Variants in PRKN observed in about 807,000 individuals in gnomAD.
The protein encoded by PRKN is parkin RBR E3 ubiquitin protein ligase, also known as E3 ubiquitin-protein ligase parkin.
A neutral mutation model predicts 59.5 loss-of-function variants in PRKN; 56 were observed. The observed-to-expected ratio is 0.94, with a 90% confidence interval of 0.76 to 1.18. PRKN has a LOEUF of 1.18. PRKN is among the 50% of genes most tolerant of loss of function. PRKN has a pLI of 0.00. For missense variants in PRKN, 657 were observed against 596.4 expected, an observed-to-expected ratio of 1.10 and a Z score of -1.06; for synonymous variants, 250 against 222.1, an observed-to-expected ratio of 1.13 and a Z score of -1.12.
chr6:162,648,156 T>G (rs1778269533), intron 1 of PRKN, among the ~76,000 whole-genome samples: 1 of 152,064 alleles, frequency 6.6e-6, no homozygotes, highest in Non-Finnish European at 1.5e-5. Context: ...CTGTATTAAA[T>G]ATCACATGTA....
intron 4 of PRKN, among the ~76,000 whole-genome samples, chr6:162,119,757 G>A (rs1173888455): frequency 3.3e-5 from 5 of 152,124 alleles, no homozygotes; most frequent in Admixed American, 1.3e-4. Context: ...TCTCTGGGAG[G>A]GGAGAATCAG....
chr6:162,160,935 C>G (rs1782730509), intron 4 of PRKN, among the ~76,000 whole-genome samples: 2 of 144,132 alleles, frequency 1.4e-5, no homozygotes, highest in African/African-American at 5.1e-5. Context: ...AGGGGACTTT[C>G]TATCAGGCAG....
rs118073351 is a variant in PRKN, at chr6:162,485,769, C to A, written c.8-42296G>T. Among the ~76,000 whole-genome samples the A allele has an allele frequency of 6.2e-4, 94 of 152,292 alleles. No individual in the cohort carries two copies. The East Asian group carries it at 0.015, about 24-fold the overall frequency. On this transcript the variant is annotated intron_variant, in intron 1 of 11. Transcript: ENST00000366898. ...CTGTTCAATCTCAGTTAGTCGCCTA[C>A]TGGAGTGCACAGACACAGGTGATTG...
chr6:161,559,907 G>A (rs1042606273), intron 8 of PRKN, among the ~76,000 whole-genome samples: 24 of 152,276 alleles, frequency 1.6e-4, no homozygotes, highest in Middle Eastern at 3.4e-3. Context: ...CTAACACTGA[G>A]GAAGCCTTTT....
At chr6:162,567,180 A>ATTCTT (rs750984359) in intron 1 of PRKN, among the ~76,000 whole-genome samples, 46,670 of 152,058 alleles carry the variant, frequency 0.31, 7,619 homozygotes, top group East Asian at 0.49. Flanking sequence ...ATGGGGAAAA[A>ATTCTT]CTGAAAGCCT....
chr6:162,661,542 G>A (rs1778880078), intron 1 of PRKN, among the ~76,000 whole-genome samples: 1 of 152,092 alleles, frequency 6.6e-6, no homozygotes, highest in African/African-American at 2.4e-5. Context: ...TATTAGGCAG[G>A]GTGGGGAACC....
At chr6:162,250,738 T>A (rs1476754883) in intron 3 of PRKN, among the ~76,000 whole-genome samples, 1 of 152,234 alleles carries the variant, frequency 6.6e-6, no homozygotes, top group Non-Finnish European at 1.5e-5. Flanking sequence ...GAAACTTCTC[T>A]GTAAAGAAAA....
intron 2 of PRKN, among the ~76,000 whole-genome samples, chr6:162,344,190 A>G (rs1784302847): frequency 1.3e-5 from 2 of 152,136 alleles, no homozygotes; most frequent in Admixed American, 1.3e-4. Context: ...GGTTTTTTTG[A>G]AGAGCATATT....
intron 6 of PRKN, among the ~76,000 whole-genome samples, chr6:161,867,659 A>G (rs1350598108): frequency 2.0e-5 from 3 of 152,204 alleles, no homozygotes; most frequent in African/African-American, 7.2e-5. Flanking sequence ...TTGGCATCAT[A>G]ATGAGTGACA....
rs111492527 is a variant in PRKN, at chr6:161,461,624, T to C, written c.1084-74747A>G. Among the ~76,000 whole-genome samples the C allele has an allele frequency of 2.0e-5, 3 of 152,190 alleles. No homozygotes were observed. The highest frequency in any genetic ancestry group is 7.2e-5 in the African/African-American group (3 of 41,520). On this transcript the variant is annotated intron_variant, in intron 9 of 11. Coordinates refer to ENST00000366898, the MANE Select transcript of PRKN (RefSeq NM_004562.3). This position sits in a 1 kb window ranked among gnomAD's most constrained non-coding sequence, Gnocchi z 5.1. Reference sequence around the variant, plus strand: ...GTCAGCCACTGGAGATAAAAGGGTCTGGAATACATGCACGGAGGATTCTAA... The same window carrying C: ...GTCAGCCACTGGAGATAAAAGGGTCCGGAATACATGCACGGAGGATTCTAA...
chr6:162,223,820 G>A (rs1333506777), intron 3 of PRKN, among the ~76,000 whole-genome samples: 1 of 152,000 alleles, frequency 6.6e-6, no homozygotes, highest in African/African-American at 2.4e-5. Context: ...GCCTACCTAG[G>A]ATATTGTGTA....
chr6:161,876,758 CA>C (rs1245003083), intron 6 of PRKN, among the ~76,000 whole-genome samples: 1 of 151,978 alleles, frequency 6.6e-6, no homozygotes, highest in Non-Finnish European at 1.5e-5. Context: ...TCTCCTATCA[CA>C]GTTGGATGTT....
At chr6:161,666,227 C>A (rs192850214) in intron 7 of PRKN, among the ~76,000 whole-genome samples, 2 of 152,326 alleles carry the variant, frequency 1.3e-5, no homozygotes, top group Admixed American at 6.5e-5. Context: ...TGTTAGGAAC[C>A]AGGCCGCACA....
rs995885360 is a variant in PRKN at position 161,544,344 on chromosome 6, A to G, written c.1083+4510T>C. Among the ~76,000 whole-genome samples the G allele has an allele frequency of 3.3e-5, 5 of 152,232 alleles. No individual in the cohort carries two copies. Among genetic ancestry groups the G allele is most frequent in the Non-Finnish European group, 5.9e-5 (4 of 68,038 alleles). On this transcript the variant is annotated intron_variant, in intron 9 of 11. Transcript: ENST00000366898. The surrounding 1 kb of genome is among the most constrained non-coding windows in gnomAD (Gnocchi z 5.5). The stretch of plus-strand genomic sequence containing the variant: ...GTGCTATTAAAACACTGTATATTGT[A>G]TAAGTATATAAAGGTGCTTACGTAT...
At chr6:162,584,799 TCCCC>T (rs1562408999) in intron 1 of PRKN, among the ~76,000 whole-genome samples, 13 of 5,474 alleles carry the variant, frequency 2.4e-3, no homozygotes, top group Admixed American at 4.6e-3. Flanking sequence ...TCCCCTCCCC[TCCCC>T]TCCCCTCCCC....
At chr6:162,298,170 GGAGA>G (rs113066522) in intron 2 of PRKN, among the ~76,000 whole-genome samples, 3 of 148,834 alleles carry the variant, frequency 2.0e-5, no homozygotes, top group Admixed American at 6.7e-5. Flanking sequence ...CAGACGGAGG[GGAGA>G]GAGAGAGAGA....
intron 1 of PRKN, among the ~76,000 whole-genome samples, chr6:162,553,849 G>T (rs2846485): frequency 2.1e-4 from 11 of 52,236 alleles, no homozygotes; most frequent in South Asian, 7.7e-4. Flanking sequence ...AAAAAAAAAA[G>T]GGTAAAAGTG....
At chr6:162,090,173 T>A (rs1328337354) in intron 4 of PRKN, among the ~76,000 whole-genome samples, 1 of 152,136 alleles carries the variant, frequency 6.6e-6, no homozygotes. Flanking sequence ...TACAGGTGTG[T>A]GTGTGTGTAT....
chr6:161,453,338 C>T (rs1467147895), intron 9 of PRKN, among the ~76,000 whole-genome samples: 1 of 152,144 alleles, frequency 6.6e-6, no homozygotes, highest in East Asian at 1.9e-4. Flanking sequence ...TTATTAAATC[C>T]TTCAGATACT....
Sources: gnomAD v4.1 joint callset for allele counts (sites outside exome capture counted in the v4.1 genomes callset) on GRCh38, gnomAD v4.1.1 for gene constraint, Gnocchi (gnomAD v3.1) non-coding constraint, MANE v1.5 for transcripts, NCBI Gene and HGNC (gene_info 2026-07-23, HGNC 2026-07-21) for gene names.